Variants in TRPC5 observed in about 807,000 individuals in gnomAD.
TRPC5 encodes the protein transient receptor potential cation channel subfamily C member 5.
Under a neutral mutation model 56.5 loss-of-function variants are expected in TRPC5, and 9 were observed. The ratio of observed to expected loss-of-function variants is 0.16; its 90% confidence interval spans 0.10 to 0.28. TRPC5 has a LOEUF of 0.28. Ranked by LOEUF, TRPC5 falls within the 10% of genes least tolerant of loss-of-function variation. The probability of loss-of-function intolerance (pLI) is 1.00; values close to 1 mark genes in which losing one functional copy is unlikely to be tolerated. For synonymous variants in TRPC5, 282 were observed against 278.5 expected (o/e 1.01, Z -0.13); for missense variants, 469 against 748.9 (o/e 0.63, Z 4.36).
intron 6 of TRPC5, among the ~76,000 whole-genome samples, chrX:111,842,732 G>A (rs1255222533): frequency 8.9e-6 from 1 of 112,091 alleles, no homozygotes; most frequent in Non-Finnish European, 1.9e-5. Flanking sequence ...AAATATATAG[G>A]GATCAATGTA....
chrX:111,935,845 G>A (rs969225986), intron 2 of TRPC5, among the ~76,000 whole-genome samples: 1 of 111,762 alleles, frequency 8.9e-6, no homozygotes, highest in Admixed American at 9.5e-5. Context: ...TTTTATGCCA[G>A]TACCATGCTG....
In TRPC5 at chrX:112,058,733, A is replaced by G. The variant is rs760195436; in HGVS notation, c.-22+23146T>C. 3.6e-5 allele frequency among the ~76,000 whole-genome samples: 4 copies of G among 112,144 alleles called. No homozygotes were observed. In the South Asian group the frequency reaches 1.5e-3, roughly 42 times the overall value. On this transcript the variant is annotated intron_variant, in intron 1 of 10. Coordinates refer to ENST00000262839, the MANE Select transcript of TRPC5 (RefSeq NM_012471.3). ...TTGCTTAAGATTTCTTCAAATCTTT[A>G]AACAGTGAGCATCAACTTTATTCTT...
rs375737884 is a variant in TRPC5, at chrX:111,985,177, C to A, written c.-21-32736G>T. ...CTAGTGGTATTCACTTGGCCTTTTC[C>A]ACCGTAATGGCTCACACTCTATAGG... On this transcript the variant is annotated intron_variant, in intron 1 of 10. Coordinates refer to ENST00000262839, the MANE Select transcript of TRPC5 (RefSeq NM_012471.3). Among the ~76,000 whole-genome samples the A allele has an allele frequency of 2.3e-4, 26 of 112,246 alleles. No individual in the cohort carries two copies. In the South Asian group the frequency reaches 9.3e-3, roughly 40 times the overall value.
intron 1 of TRPC5, among the ~76,000 whole-genome samples, chrX:112,042,627 A>G (rs759715289): frequency 1.8e-5 from 2 of 111,222 alleles, no homozygotes; most frequent in Non-Finnish European, 3.8e-5. Context: ...CTCATGGATT[A>G]GCCCTCTTCG....
chrX:111,843,529 T>C (rs759764864), intron 6 of TRPC5, among the ~76,000 whole-genome samples: 1 of 111,350 alleles, frequency 9.0e-6, no homozygotes, highest in African/African-American at 3.3e-5. Flanking sequence ...TGGCATGCGA[T>C]GTACAAAGGT....
chrX:111,839,906 C>G (rs1351877113), intron 6 of TRPC5, among the ~76,000 whole-genome samples: 1 of 111,117 alleles, frequency 9.0e-6, no homozygotes, highest in Non-Finnish European at 1.9e-5. Flanking sequence ...TGCGGTGGCT[C>G]ACACCTACAA....
intron 1 of TRPC5, among the ~76,000 whole-genome samples, chrX:111,993,999 T>C (rs984970269): frequency 1.6e-3 from 181 of 112,129 alleles, no homozygotes; most frequent in African/African-American, 5.3e-3. Flanking sequence ...CTGAATGGTA[T>C]TGCCTAGGTT....
chrX:111,985,950 C>G (rs1193505689), intron 1 of TRPC5, among the ~76,000 whole-genome samples: 1 of 111,869 alleles, frequency 8.9e-6, no homozygotes, highest in Non-Finnish European at 1.9e-5. Flanking sequence ...GCAGTTTTCA[C>G]TGTAAGGTCT....
At chrX:111,873,341 A>T (rs1923820180) in intron 3 of TRPC5, among the ~76,000 whole-genome samples, 2 of 111,416 alleles carry the variant, frequency 1.8e-5, no homozygotes, top group Admixed American at 1.9e-4. Context: ...AGACACTGGG[A>T]ATCACTAGAT....
chrX:112,070,121 C>G (rs1930681097), intron 1 of TRPC5, among the ~76,000 whole-genome samples: 1 of 112,074 alleles, frequency 8.9e-6, no homozygotes, highest in Non-Finnish European at 1.9e-5. Flanking sequence ...GATGAGCAAG[C>G]TGCAGAGCCT....
At chrX:111,919,089 A>G (rs1474226331) in intron 2 of TRPC5, among the ~76,000 whole-genome samples, 2 of 111,550 alleles carry the variant, frequency 1.8e-5, no homozygotes, top group African/African-American at 6.5e-5. Flanking sequence ...TGTCCACACT[A>G]TTTTGAGGAG....
intron 3 of TRPC5, among the ~76,000 whole-genome samples, chrX:111,911,581 C>T (rs1925818177): frequency 8.9e-6 from 1 of 111,795 alleles, no homozygotes; most frequent in Admixed American, 9.5e-5. Context: ...CATAGAACTA[C>T]ACCTGTTTGA....
intron 1 of TRPC5, among the ~76,000 whole-genome samples, chrX:111,984,819 C>T (rs1400565631): frequency 6.2e-5 from 7 of 112,493 alleles, no homozygotes; most frequent in Non-Finnish European, 1.3e-4. Flanking sequence ...CAGATAAAAG[C>T]GAACTGCTTC....
chrX:111,837,529 A>C (rs759792031), intron 6 of TRPC5, among the ~76,000 whole-genome samples: 14 of 111,824 alleles, frequency 1.3e-4, no homozygotes, highest in African/African-American at 6.5e-5. Context: ...GACCTTGAAC[A>C]CAGAATGCAT....
intron 7 of TRPC5, among the ~76,000 whole-genome samples, chrX:111,792,810 T>A (rs1946033438): frequency 8.9e-6 from 1 of 112,064 alleles, no homozygotes; most frequent in Admixed American, 9.5e-5. Flanking sequence ...AGGATCCTGG[T>A]TGGCATGATT....
At chrX:111,832,873 C>T (rs1569526104) in intron 7 of TRPC5, among the ~76,000 whole-genome samples, 1 of 111,245 alleles carries the variant, frequency 9.0e-6, no homozygotes, top group South Asian at 3.8e-4. Context: ...TCACTGAGCT[C>T]AGTGAGAAGG....
rs988541712 is a variant in TRPC5 at position 111,896,457 on chromosome X, C to T, written c.900+15834G>A. ...AAAGTCTGCAAATTGTTTAATAGGCCGAGCCTTGATATCCGCATCCCTCTC... is the reference window on the plus strand; with the variant it reads ...AAAGTCTGCAAATTGTTTAATAGGCTGAGCCTTGATATCCGCATCCCTCTC... On this transcript the variant is annotated intron_variant, in intron 3 of 10. Coordinates refer to ENST00000262839, the MANE Select transcript of TRPC5 (RefSeq NM_012471.3). The T allele has an allele frequency of 2.7e-5, 3 of 109,597 alleles. No individual in the cohort carries two copies. In the Admixed American group the frequency reaches 2.9e-4, roughly 11 times the overall value. 9.0% of individuals were successfully genotyped at this position (109,597 alleles called of 1,213,427 possible).
chrX:111,919,002 A>C (rs1322646732), intron 2 of TRPC5, among the ~76,000 whole-genome samples: 1 of 111,216 alleles, frequency 9.0e-6, no homozygotes, highest in African/African-American at 3.3e-5. Context: ...GCTGTGATCT[A>C]GGGGCCAAGA....
chrX:112,060,949 C>T (rs189667314), intron 1 of TRPC5, among the ~76,000 whole-genome samples: 1 of 112,327 alleles, frequency 8.9e-6, no homozygotes, highest in African/African-American at 3.2e-5. Context: ...GATGAAAATG[C>T]CTCCTGGCTC....
Sources: gnomAD v4.1 joint callset for allele counts (sites outside exome capture counted in the v4.1 genomes callset) on GRCh38, gnomAD v4.1.1 for gene constraint, MANE v1.5 for transcripts, NCBI Gene and HGNC (gene_info 2026-07-23, HGNC 2026-07-21) for gene names.